Variants in DRAXIN observed in about 807,000 individuals in gnomAD.
The protein encoded by DRAXIN is dorsal inhibitory axon guidance protein, also known as dorsal repulsive axon guidance protein.
In DRAXIN, 27 loss-of-function variants were observed where a neutral mutation model predicts 33.9. The observed-to-expected ratio is 0.80, with a 90% CI of 0.59 to 1.10. The LOEUF (loss-of-function observed/expected upper bound fraction) is 1.10. Among genes scored for constraint, DRAXIN ranks in the 50% least tolerant of loss-of-function variants. DRAXIN has a pLI of 0.00. For missense variants in DRAXIN, 371 were observed against 460.8 expected, an observed-to-expected ratio of 0.81 and a Z score of 1.78; for synonymous variants, 178 against 194.0, an observed-to-expected ratio of 0.92 and a Z score of 0.69.
In DRAXIN at chr1:11,698,463, G is replaced by A. The variant is rs568738380; in HGVS notation, c.-11+6610G>A. On this transcript the variant is annotated intron_variant, in intron 1 of 6. Coordinates refer to ENST00000294485, the MANE Select transcript of DRAXIN (RefSeq NM_198545.4). ...TCTGCTAAGAGCAGATGGGGCTTCC[G>A]GACTGCACTGCCCATCTCCAATTCC... Among the ~76,000 whole-genome samples the A allele has an allele frequency of 9.2e-5, 14 of 152,290 alleles. No individual in the cohort carries two copies. In the South Asian group the frequency reaches 2.9e-3, roughly 32 times the overall value.
At chr1:11,703,723 C>T (rs1641336475) in intron 1 of DRAXIN, among the ~76,000 whole-genome samples, 2 of 152,194 alleles carry the variant, frequency 1.3e-5, no homozygotes, top group Admixed American at 6.5e-5. Flanking sequence ...ATCCCACTTC[C>T]TCTGTCCCAG....
At chr1:11,715,010 C>T (rs968347498) in intron 5 of DRAXIN, 109 bp from the exon 6 acceptor site, 50 of 1,319,778 alleles carry the variant, frequency 3.8e-5, no homozygotes, top group South Asian at 1.8e-4. Context: ...CCCGCCAGGG[C>T]GCGGCCTGCC....
rs999436499 is a variant in DRAXIN at position 11,691,732 on chromosome 1, T to G, written c.-132T>G. ...TCCAGTCCCGCTCAGCCCGGGCACA[T>G]CCTCCGGCTGCCCGCGCACCTCTCC... On this transcript the variant is annotated 5_prime_UTR_variant, in exon 1 of 7. Transcript: ENST00000294485. 1 of 136,222 alleles carries G rather than the reference T, an allele frequency of 7.3e-6. No individual in the cohort carries two copies. The highest frequency in any genetic ancestry group is 2.7e-5 in the African/African-American group (1 of 37,252). The allele number at this position is 136,222 out of a possible 1,614,324, so 8.4% of individuals were successfully genotyped here. A position where few individuals can be genotyped will look rare whatever the true frequency, so the allele number is the denominator to read the frequency against.
chr1:11,691,701 C>G (rs1469250851), upstream of DRAXIN: 2 of 150,012 alleles, frequency 1.3e-5, no homozygotes, highest in East Asian at 4.0e-4. Flanking sequence ...CCCACTCCCC[C>G]TTCCTTCCAG....
chr1:11,698,994 G>T (rs1299643754), intron 1 of DRAXIN, among the ~76,000 whole-genome samples: 1 of 152,166 alleles, frequency 6.6e-6, no homozygotes, highest in African/African-American at 2.4e-5. Context: ...GGGAGTATCC[G>T]GAAGGGAAGA....
At chr1:11,701,651 C>G (rs1641275413) in intron 1 of DRAXIN, among the ~76,000 whole-genome samples, 1 of 152,218 alleles carries the variant, frequency 6.6e-6, no homozygotes, top group South Asian at 2.1e-4. Context: ...GGGCTGCTGA[C>G]TGTGCTCGGC....
intron 1 of DRAXIN, among the ~76,000 whole-genome samples, chr1:11,693,095 T>G (rs1641109492): frequency 1.3e-5 from 2 of 152,068 alleles, no homozygotes; most frequent in African/African-American, 4.8e-5. Flanking sequence ...CCTGTCACCT[T>G]CACCTCCTCG....
chr1:11,702,525 TCA>T (rs1272198050), intron 1 of DRAXIN, among the ~76,000 whole-genome samples: 1 of 145,696 alleles, frequency 6.9e-6, no homozygotes, highest in African/African-American at 2.6e-5. Context: ...ACACATGCAC[TCA>T]CACATGCTCC....
chr1:11,714,878 T>C (rs1641550494), intron 5 of DRAXIN, among the ~76,000 whole-genome samples: 1 of 152,206 alleles, frequency 6.6e-6, no homozygotes, highest in South Asian at 2.1e-4. Flanking sequence ...CCTTCGCTCT[T>C]CCCATGGTCA....
At chr1:11,693,634 C>T (rs1487281552) in intron 1 of DRAXIN, among the ~76,000 whole-genome samples, 2 of 152,178 alleles carry the variant, frequency 1.3e-5, no homozygotes, top group East Asian at 1.9e-4. Context: ...GATATCCCCA[C>T]GACATCCCCC....
At chr1:11,713,129 C>T (rs543098063) in intron 5 of DRAXIN, among the ~76,000 whole-genome samples, 5 of 151,532 alleles carry the variant, frequency 3.3e-5, no homozygotes, top group South Asian at 2.1e-4. Flanking sequence ...ACCCGGGAGG[C>T]GGAGGTTGTG....
At chr1:11,707,456 C>T (rs1239400255) in intron 2 of DRAXIN, among the ~76,000 whole-genome samples, 1 of 152,242 alleles carries the variant, frequency 6.6e-6, no homozygotes, top group Admixed American at 6.5e-5. Context: ...AGTTCTCTTT[C>T]TGTGCCTCGG....
chr1:11,693,050 A>ACC (rs1018829176), intron 1 of DRAXIN, among the ~76,000 whole-genome samples: 4 of 151,262 alleles, frequency 2.6e-5, no homozygotes, highest in African/African-American at 9.7e-5. Flanking sequence ...CTTCAGAGTA[A>ACC]CCCCACCACC....
chr1:11,712,537 A>G (rs1020430307), intron 5 of DRAXIN, 108 bp downstream of exon 5: 23 of 1,062,890 alleles, frequency 2.2e-5, no homozygotes, highest in Non-Finnish European at 2.8e-5. Context: ...TTGACCCTTC[A>G]TGGATGATAA....
In DRAXIN at chr1:11,705,418, G is replaced by A. The variant is rs1369860752; in HGVS notation, c.-10-831G>A. ...GAGGGGGATATCCTGAGGCTAGGTC[G>A]GGTTGGCTCAGTCTACCCTGCAGGG... is the stretch of plus-strand genomic sequence containing the variant. On this transcript the variant is annotated intron_variant, in intron 1 of 6. Transcript: ENST00000294485. This position sits in a 1 kb window ranked among gnomAD's most constrained non-coding sequence, Gnocchi z 4.8. 6.6e-6 allele frequency among the ~76,000 whole-genome samples: 1 copy of A among 152,086 alleles called. No homozygotes were observed. Among genetic ancestry groups the A allele is most frequent in the Non-Finnish European group, 1.5e-5 (1 of 68,006 alleles).
intron 2 of DRAXIN, among the ~76,000 whole-genome samples, chr1:11,707,859 G>C (rs1641414867): frequency 6.6e-6 from 1 of 152,226 alleles, no homozygotes; most frequent in African/African-American, 2.4e-5. Context: ...TCCCAGCCTT[G>C]CCTGGCCCTA....
At chr1:11,715,553 T>C (rs1570319894) in intron 6 of DRAXIN, among the ~76,000 whole-genome samples, 1 of 145,840 alleles carries the variant, frequency 6.9e-6, no homozygotes, top group African/African-American at 2.6e-5. Flanking sequence ...TTAAATTAGA[T>C]CCAGCCTCAG....
rs936893153 is a variant in DRAXIN, at chr1:11,696,314, G to A, written c.-11+4461G>A. Among the ~76,000 whole-genome samples the A allele has an allele frequency of 1.3e-5, 2 of 152,196 alleles. No individual in the cohort carries two copies. Among genetic ancestry groups the A allele is most frequent in the Non-Finnish European group, 1.5e-5 (1 of 68,032 alleles). ...ATAAACATTTACTCCCCAGCCGGGT[G>A]CGGTGGCTCACGCCTGTAATCCCAG... On this transcript the variant is annotated intron_variant, in intron 1 of 6. Coordinates refer to ENST00000294485, the MANE Select transcript of DRAXIN (RefSeq NM_198545.4). The surrounding 1 kb of genome is among the most constrained non-coding windows in gnomAD (Gnocchi z 4.7).
In DRAXIN at chr1:11,723,935, G is replaced by C. The variant is rs867804065; in HGVS notation, c.*4239G>C. ...TATAAGGTGTTTAGAACAGTGCCTAGCACCTAATAAACCTCCAGTGTTAGC... is the reference window on the plus strand; with the variant it reads ...TATAAGGTGTTTAGAACAGTGCCTACCACCTAATAAACCTCCAGTGTTAGC... On this transcript the variant is annotated 3_prime_UTR_variant, in exon 7 of 7. Transcript: ENST00000294485. 6.6e-5 allele frequency: 10 copies of C among 152,174 alleles called. No homozygotes were observed. Among genetic ancestry groups the C allele is most frequent in the Admixed American group, 2.6e-4 (4 of 15,278 alleles). The allele number at this position is 152,174 out of a possible 1,614,324, so 9.4% of individuals were successfully genotyped here. A position where few individuals can be genotyped will look rare whatever the true frequency, so the allele number is the denominator to read the frequency against.
Sources: allele counts gnomAD v4.1 joint callset (sites outside exome capture counted in the v4.1 genomes callset), GRCh38; gene constraint gnomAD v4.1.1; non-coding constraint Gnocchi (gnomAD v3.1); transcripts MANE v1.5; gene names NCBI Gene and HGNC (gene_info 2026-07-23, HGNC 2026-07-21).